TBC1D2: variants seen among roughly 807,000 people sequenced by gnomAD.
TBC1D2 encodes the protein TBC1 domain family member 2.
Under a neutral mutation model 91.1 loss-of-function variants are expected in TBC1D2, and 58 were observed. The observed-to-expected ratio is 0.64, with a 90% CI of 0.52 to 0.79. The LOEUF (loss-of-function observed/expected upper bound fraction) is 0.79. TBC1D2 is among the 30% of genes least tolerant of loss of function. The pLI, the probability that TBC1D2 is intolerant of heterozygous loss-of-function variation, is 0.00. For missense variants in TBC1D2, 1,080 were observed against 1,208.3 expected (o/e 0.89, Z 1.57); for synonymous variants, 482 against 511.5 (o/e 0.94, Z 0.78).
chr9:98,252,030 C>T (rs928456144), intron 1 of TBC1D2, 104 bp from the exon 2 acceptor site: 4 of 1,426,378 alleles, frequency 2.8e-6, no homozygotes, highest in Middle Eastern at 2.1e-4. Context: ...CTTTCTTTCC[C>T]AGGAAAAAAA....
intron 2 of TBC1D2, among the ~76,000 whole-genome samples, chr9:98,251,305 T>C (rs1026476949): frequency 1.3e-5 from 2 of 150,002 alleles, no homozygotes. Flanking sequence ...AAAAAAAAAG[T>C]CACTGATCTA....
intron 3 of TBC1D2, among the ~76,000 whole-genome samples, chr9:98,238,148 C>A (rs1829555763): frequency 7.3e-6 from 1 of 136,216 alleles, no homozygotes. Context: ...AAGTGATCTG[C>A]CCACCTTGGC....
chr9:98,213,336 C>T, intron 6 of TBC1D2, 118 bp from the exon 7 acceptor site: 1 of 1,514,684 alleles, frequency 6.6e-7, no homozygotes. Flanking sequence ...CCAATAATGG[C>T]AACAGAAGAG....
chr9:98,199,597 AG>A lies in TBC1D2; in HGVS notation c.2580-10del, dbSNP rs1380333880. 1 of 1,613,612 alleles carries A rather than the reference AG, an allele frequency of 6.2e-7. No homozygotes were observed. Among genetic ancestry groups the A allele is most frequent in the Non-Finnish European group, 8.5e-7 (1 of 1,180,014 alleles). On this transcript the variant is annotated splice_polypyrimidine_tract_variant and intron_variant, in intron 12 of 12. Transcript: ENST00000465784. The stretch of plus-strand genomic sequence containing the variant: ...CGATGTTCATCAGCTTCCTGGGAGG[AG>A]GGCACAATCAGCCCAGAGCACGTCA...
intron 3 of TBC1D2, chr9:98,235,525 C>A: frequency 2.2e-6 from 1 of 454,842 alleles, no homozygotes; most frequent in Non-Finnish European, 4.3e-6. Flanking sequence ...ATGTAGGTAT[C>A]ACACTTCAAT....
intron 3 of TBC1D2, among the ~76,000 whole-genome samples, chr9:98,242,676 T>A (rs1036807580): frequency 6.6e-6 from 1 of 152,132 alleles, no homozygotes; most frequent in Non-Finnish European, 1.5e-5. Flanking sequence ...CGCTGTTGTA[T>A]TTACATTTAC....
chr9:98,225,444 T>C (rs73657120), intron 5 of TBC1D2, among the ~76,000 whole-genome samples: 2,784 of 152,296 alleles, frequency 0.018, 80 homozygotes, highest in African/African-American at 0.064. Context: ...AGAGCAGTTT[T>C]GGTGCTTGTG....
intron 3 of TBC1D2, among the ~76,000 whole-genome samples, chr9:98,237,934 C>T (rs1202967106): frequency 1.5e-5 from 2 of 129,780 alleles, no homozygotes; most frequent in East Asian, 2.4e-4. Flanking sequence ...GACAGAGTCT[C>T]ACTCTGTTGC....
intron 3 of TBC1D2, among the ~76,000 whole-genome samples, chr9:98,240,228 G>C (rs969504764): frequency 1.3e-5 from 2 of 151,556 alleles, no homozygotes; most frequent in South Asian, 2.1e-4. Context: ...AGAAAATAAT[G>C]AGATTATACT....
At chr9:98,251,633 A>C (rs1829875609) in intron 2 of TBC1D2, 152 bp downstream of exon 2, 6 of 1,223,056 alleles carry the variant, frequency 4.9e-6, no homozygotes, top group Non-Finnish European at 6.4e-6. Flanking sequence ...GCCTGGCCTC[A>C]GCCCAAATTC....
At chr9:98,210,140 T>C (rs1828792591) in intron 8 of TBC1D2, among the ~76,000 whole-genome samples, 1 of 152,112 alleles carries the variant, frequency 6.6e-6, no homozygotes, top group African/African-American at 2.4e-5. Context: ...GCACATATCT[T>C]ATGGAGGCTG....
intron 3 of TBC1D2, chr9:98,234,578 C>T (rs7869001): frequency 0.2 from 29,797 of 152,158 alleles, 6,808 homozygotes; most frequent in African/African-American, 0.56. Flanking sequence ...TGCCACCTGC[C>T]TGCATCCACC....
intron 5 of TBC1D2, among the ~76,000 whole-genome samples, chr9:98,227,062 C>T (rs1261984782): frequency 3.9e-5 from 6 of 152,150 alleles, no homozygotes; most frequent in Non-Finnish European, 5.9e-5. Flanking sequence ...GTTTGGGTTT[C>T]GGATTTAAGC....
Position 98,220,998 on chromosome 9 carries a change from G to T in TBC1D2, c.1209C>A (p.His403Gln), listed in dbSNP as rs528252959. Residue 403 changes from histidine (H) to glutamine (Q), a missense_variant, in exon 6 of 13, where the codon CAC becomes CAA. Coordinates refer to ENST00000465784, the MANE Select transcript of TBC1D2 (RefSeq NM_001267571.2). Reference sequence around the variant, plus strand: ...GGTTCTTGTCCATAAGCAGCTGCACGTGCTGCTGTAGCTCCTGCACCTGCT... The same window carrying T: ...GGTTCTTGTCCATAAGCAGCTGCACTTGCTGCTGTAGCTCCTGCACCTGCT... ...REQQVQELQQHVQLLMDKNHA... is the reference protein window; with the variant it reads ...REQQVQELQQQVQLLMDKNHA... 5 of 1,614,156 alleles carry T rather than the reference G, an allele frequency of 3.1e-6. No homozygotes were observed. In the African/African-American group the frequency reaches 5.3e-5, roughly 17 times the overall value.
chr9:98,235,383 T>C (rs1829478912), intron 3 of TBC1D2: 2 of 466,834 alleles, frequency 4.3e-6, no homozygotes, highest in South Asian at 1.7e-5. Context: ...GGAATTCCAG[T>C]GCTAGTACTT....
intron 9 of TBC1D2, among the ~76,000 whole-genome samples, chr9:98,206,871 CT>C (rs1401232633): frequency 1.3e-5 from 2 of 152,232 alleles, no homozygotes; most frequent in African/African-American, 4.8e-5. Flanking sequence ...TCCTACCTGG[CT>C]TTTGTGTGAA....
In TBC1D2 at chr9:98,233,411, C is replaced by T. The variant is rs1829420174; in HGVS notation, c.781+5G>A. 1 of 1,613,112 alleles carries T rather than the reference C, an allele frequency of 6.2e-7. No individual in the cohort carries two copies. On this transcript the variant is annotated splice_donor_5th_base_variant and intron_variant, in intron 4 of 12. Coordinates refer to ENST00000465784, the MANE Select transcript of TBC1D2 (RefSeq NM_001267571.2). ...AAGGCAGCTCAGCCCTGGACAGAGGCTCACCTGGGGTGCTGGCGTCAGAGG... is the reference window on the plus strand; with the variant it reads ...AAGGCAGCTCAGCCCTGGACAGAGGTTCACCTGGGGTGCTGGCGTCAGAGG...
intron 7 of TBC1D2, among the ~76,000 whole-genome samples, 158 bp from the exon 8 acceptor site, chr9:98,211,001 G>A (rs1828823432): frequency 6.6e-6 from 1 of 152,232 alleles, no homozygotes; most frequent in Admixed American, 6.5e-5. Context: ...GATGGGCCCT[G>A]AGGCCAGTGG....
intron 9 of TBC1D2, among the ~76,000 whole-genome samples, chr9:98,206,676 G>T (rs955857704): frequency 3.3e-5 from 5 of 152,196 alleles, no homozygotes; most frequent in Non-Finnish European, 7.4e-5. Context: ...GGCTGGGGGC[G>T]GGGGGCCAGG....
Sources: gnomAD v4.1 joint callset for allele counts (sites outside exome capture counted in the v4.1 genomes callset) on GRCh38, gnomAD v4.1.1 for gene constraint, MANE v1.5 for transcripts, NCBI Gene and HGNC (gene_info 2026-07-23, HGNC 2026-07-21) for gene names.